The following EPS8 variants were observed in gnomAD, a reference collection of about 807,000 sequenced individuals.
The protein encoded by EPS8 is epidermal growth factor receptor kinase substrate 8.
In EPS8, 42 loss-of-function variants were observed where a neutral mutation model predicts 103.8. The observed-to-expected ratio is 0.40, with a 90% CI of 0.32 to 0.52. The LOEUF is 0.52. Ranked by LOEUF, EPS8 falls within the 20% of genes least tolerant of loss-of-function variation. The probability of loss-of-function intolerance (pLI) is 0.40; values close to 1 mark genes in which losing one functional copy is unlikely to be tolerated. For synonymous variants in EPS8, 344 were observed against 344.6 expected (o/e 1.00, Z 0.02); for missense variants, 969 against 1,005.1 (o/e 0.96, Z 0.49).
intron 1 of EPS8, among the ~76,000 whole-genome samples, chr12:15,685,861 A>G (rs1346256917): frequency 6.6e-6 from 1 of 152,244 alleles, no homozygotes; most frequent in Non-Finnish European, 1.5e-5. Flanking sequence ...CTCTAACTGA[A>G]AAATTAAGTG....
chr12:15,702,949 G>T lies in EPS8; in HGVS notation c.-21-19977C>A, dbSNP rs1946330275. ...GTGGATCACAAGGTCAGGAGATTGA[G>T]ACCATCCTGGCCAACATAGTGAAAC... On this transcript the variant is annotated intron_variant, in intron 1 of 20. Transcript: ENST00000281172. This position sits in a 1 kb window ranked among gnomAD's most constrained non-coding sequence, Gnocchi z 5.1. 1.3e-5 allele frequency among the ~76,000 whole-genome samples: 2 copies of T among 152,142 alleles called. No individual in the cohort carries two copies. Among genetic ancestry groups the T allele is most frequent in the South Asian group, 4.1e-4 (2 of 4,832 alleles).
chr12:15,785,748 T>C lies in EPS8; in HGVS notation c.-22+3413A>G, dbSNP rs770927753. ...GATTCTAGGACTGTGGCAAGATGTA[T>C]ACAGATGAACCTAGAGCATCTCATA... On this transcript the variant is annotated intron_variant, in intron 1 of 20. Transcript: ENST00000281172. The surrounding 1 kb of genome is among the most constrained non-coding windows in gnomAD (Gnocchi z 4.9). 1.3e-5 allele frequency among the ~76,000 whole-genome samples: 2 copies of C among 151,986 alleles called. No individual in the cohort carries two copies. Among genetic ancestry groups the C allele is most frequent in the South Asian group, 2.1e-4 (1 of 4,826 alleles).
intron 15 of EPS8, among the ~76,000 whole-genome samples, chr12:15,643,702 G>C (rs1341474879): frequency 1.5e-5 from 2 of 132,078 alleles, no homozygotes; most frequent in Non-Finnish European, 3.1e-5. Flanking sequence ...TCGTGCCATT[G>C]CACTCCAGCC....
intron 1 of EPS8, among the ~76,000 whole-genome samples, chr12:15,691,808 C>A (rs1946175639): frequency 6.6e-6 from 1 of 152,102 alleles, no homozygotes; most frequent in Non-Finnish European, 1.5e-5. Context: ...AATACCCTTC[C>A]ATTTTTATAT....
intron 3 of EPS8, among the ~76,000 whole-genome samples, chr12:15,671,230 G>A (rs956781294): frequency 3.9e-5 from 6 of 152,070 alleles, no homozygotes; most frequent in African/African-American, 1.4e-4. Flanking sequence ...TTATCAGTCA[G>A]GGACCTACTG....
At chr12:15,661,324 T>C (rs902828584) in intron 9 of EPS8, among the ~76,000 whole-genome samples, 5 of 152,190 alleles carry the variant, frequency 3.3e-5, no homozygotes, top group African/African-American at 1.2e-4. Context: ...CTTGACATTC[T>C]TCTAATTTAA....
rs1440594615 is a variant in EPS8, at chr12:15,762,807, TA to T, written c.-22+26353del. ...AAGTGGGGATATGGTTAATGAGTAT[TA>T]AAAAATAGTTAAAAAGAATAAGACC... On this transcript the variant is annotated intron_variant, in intron 1 of 20. Coordinates refer to ENST00000281172, the MANE Select transcript of EPS8 (RefSeq NM_004447.6). The surrounding 1 kb of genome is among the most constrained non-coding windows in gnomAD (Gnocchi z 4.8). 3.9e-5 allele frequency among the ~76,000 whole-genome samples: 6 copies of T among 152,088 alleles called. No individual in the cohort carries two copies. Among genetic ancestry groups the T allele is most frequent in the African/African-American group, 1.4e-4 (6 of 41,418 alleles).
chr12:15,750,926 C>T (rs368998663), intron 1 of EPS8, among the ~76,000 whole-genome samples: 13 of 151,960 alleles, frequency 8.6e-5, no homozygotes, highest in East Asian at 7.7e-4. Context: ...CTTTCTGAAC[C>T]CTTCGGCTCA....
At chr12:15,666,293 T>C (rs1280245240) in intron 7 of EPS8, 147 bp downstream of exon 7, 6 of 624,822 alleles carry the variant, frequency 9.6e-6, no homozygotes, top group South Asian at 2.2e-5. Context: ...CTGACAAACT[T>C]GGGAGAACAA....
rs745741223 is a variant in EPS8, at chr12:15,624,365, T to C, written c.2087A>G (p.His696Arg). ...GGCACTCCGACCAATGGTCAGTCTG[T>C]GGATGAGTTCATCTTGCACTTCCTC... ...QMEEVQDELI[H>R]RLTIGRSAAQ... The change falls in exon 19 of 21, where the codon CAC becomes CGC. Residue 696 changes from histidine to arginine, a missense_variant. Coordinates refer to ENST00000281172, the MANE Select transcript of EPS8 (RefSeq NM_004447.6). 2 of 1,594,906 alleles carry C rather than the reference T, an allele frequency of 1.3e-6. No homozygotes were observed. The highest frequency in any genetic ancestry group is 2.7e-5 in the African/African-American group (2 of 74,578).
At chr12:15,754,583 C>T (rs754511995) in intron 1 of EPS8, among the ~76,000 whole-genome samples, 14 of 152,124 alleles carry the variant, frequency 9.2e-5, no homozygotes, top group Admixed American at 2.6e-4. Flanking sequence ...CAGTCATATA[C>T]GCCACCATAG....
At position 15,662,077 on chromosome 12, in the gene EPS8, A is replaced by G; in HGVS notation, c.759T>C (p.His253=). The part of the protein sequence containing the change: ...QGDFEKPRQY[H]EQEETPEMMA... ...TCATCTCAGGTGTTTCTTCCTGCTC[A>G]TGATACTGCCTTGGTTTCTCAACTA... The change falls in exon 9 of 21, where the codon CAT becomes CAC. Residue 253 remains histidine, a synonymous_variant. Coordinates refer to ENST00000281172, the MANE Select transcript of EPS8 (RefSeq NM_004447.6). 1.2e-6 allele frequency: 2 copies of G among 1,613,932 alleles called. No individual in the cohort carries two copies. The highest frequency in any genetic ancestry group is 1.7e-6 in the Non-Finnish European group (2 of 1,179,810).
rs1398519686 is a variant in EPS8, at chr12:15,693,413, G to A, written c.-21-10441C>T. ...TACTGGTTTTACTGGAGTGTGAGGA[G>A]GCATCTGGGATCCAAGTTCACTTTA... is the stretch of plus-strand genomic sequence containing the variant. On this transcript the variant is annotated intron_variant, in intron 1 of 20. Transcript: ENST00000281172. The surrounding 1 kb of genome is among the most constrained non-coding windows in gnomAD (Gnocchi z 5.6). Among the ~76,000 whole-genome samples, 3 of 152,148 alleles carry A rather than the reference G, an allele frequency of 2.0e-5. No individual in the cohort carries two copies. Among genetic ancestry groups the A allele is most frequent in the Non-Finnish European group, 2.9e-5 (2 of 68,042 alleles).
In EPS8 at chr12:15,621,292, T is replaced by C; in HGVS notation, c.*25A>G. 1.6e-6 allele frequency: 2 copies of C among 1,231,842 alleles called. No individual in the cohort carries two copies. The highest frequency in any genetic ancestry group is 2.3e-6 in the Non-Finnish European group (2 of 865,966). 76.3% of individuals were successfully genotyped at this position (1,231,842 alleles called of 1,614,324 possible). A position where few individuals can be genotyped will look rare whatever the true frequency, so the allele number is the denominator to read the frequency against. On this transcript the variant is annotated 3_prime_UTR_variant, in exon 21 of 21. Transcript: ENST00000281172. ...CATGTTGGAATAATGCCAAAAACAA[T>C]GGAGTTTAAATACAAACAAACAAAT...
At position 15,698,548 on chromosome 12, in the gene EPS8, C is replaced by T. The variant is rs2135932201; in HGVS notation, c.-21-15576G>A. On this transcript the variant is annotated intron_variant, in intron 1 of 20. Coordinates refer to ENST00000281172, the MANE Select transcript of EPS8 (RefSeq NM_004447.6). The surrounding 1 kb of genome is among the most constrained non-coding windows in gnomAD (Gnocchi z 4.9). ...CAAATGGAGTGGAAAAATAAATCTT[C>T]ATCCTCTTTAAAAAAAAAAAAAAAA... is the stretch of plus-strand genomic sequence containing the variant. Among the ~76,000 whole-genome samples the T allele has an allele frequency of 1.4e-5, 1 of 73,884 alleles. No homozygotes were observed. The highest frequency in any genetic ancestry group is 2.1e-4 in the Admixed American group (1 of 4,820). 48.5% of individuals were successfully genotyped at this position (73,884 alleles called of 152,430 possible). A position where few individuals can be genotyped will look rare whatever the true frequency, so the allele number is the denominator to read the frequency against.
chr12:15,742,419 G>A (rs1946834525), intron 1 of EPS8, among the ~76,000 whole-genome samples: 1 of 152,200 alleles, frequency 6.6e-6, no homozygotes, highest in Non-Finnish European at 1.5e-5. Flanking sequence ...ACTGCTGTGA[G>A]ATGGTATCTC....
intron 1 of EPS8, among the ~76,000 whole-genome samples, chr12:15,774,147 A>T (rs57744101): frequency 6.6e-6 from 1 of 151,834 alleles, no homozygotes. Context: ...GCGTGTCATC[A>T]ATTAAAAAAA....
At chr12:15,768,045 T>A (rs1947114672) in intron 1 of EPS8, among the ~76,000 whole-genome samples, 1 of 152,152 alleles carries the variant, frequency 6.6e-6, no homozygotes, top group South Asian at 2.1e-4. Context: ...TTACAGAATA[T>A]TAGAGTTGGA....
rs536571920 is a variant in EPS8, at chr12:15,700,036, T to C, written c.-21-17064A>G. Among the ~76,000 whole-genome samples, 2 of 152,094 alleles carry C rather than the reference T, an allele frequency of 1.3e-5. No individual in the cohort carries two copies. Among genetic ancestry groups the C allele is most frequent in the Admixed American group, 6.6e-5 (1 of 15,256 alleles). On this transcript the variant is annotated intron_variant, in intron 1 of 20. Coordinates refer to ENST00000281172, the MANE Select transcript of EPS8 (RefSeq NM_004447.6). The surrounding 1 kb of genome is among the most constrained non-coding windows in gnomAD (Gnocchi z 5.1). ...GGACGTGGTGCTACACAACGTGTAG[T>C]CGTAGCTACTCTGGAGGCTGAGGCA...
Sources: allele counts gnomAD v4.1 joint callset (sites outside exome capture counted in the v4.1 genomes callset), GRCh38; gene constraint gnomAD v4.1.1; non-coding constraint Gnocchi (gnomAD v3.1); transcripts MANE v1.5; gene names NCBI Gene and HGNC (gene_info 2026-07-23, HGNC 2026-07-21).